LHFPL3: variants seen among roughly 807,000 people sequenced by gnomAD.
The protein encoded by LHFPL3 is LHFPL tetraspan subfamily member 3, also known as LHFPL tetraspan subfamily member 3 protein.
In LHFPL3, 5 loss-of-function variants were observed where a neutral mutation model predicts 19.3. The observed-to-expected ratio is 0.26, with a 90% CI of 0.14 to 0.54. The LOEUF (loss-of-function observed/expected upper bound fraction) is 0.54, where lower values mean the gene tolerates loss of function less well. Ranked by LOEUF, LHFPL3 falls within the 20% of genes least tolerant of loss-of-function variation. The pLI is 0.94. For synonymous variants in LHFPL3, 133 were observed against 126.2 expected, an observed-to-expected ratio of 1.05 and a Z score of -0.36; for missense variants, 249 against 307.4, an observed-to-expected ratio of 0.81 and a Z score of 1.42.
intron 1 of LHFPL3, among the ~76,000 whole-genome samples, chr7:104,680,489 G>T (rs1471980816): frequency 6.6e-6 from 1 of 152,044 alleles, no homozygotes; most frequent in Non-Finnish European, 1.5e-5. Context: ...TGATTTGGGG[G>T]TAACTTTTAC....
intron 1 of LHFPL3, among the ~76,000 whole-genome samples, chr7:104,642,787 GC>G (rs1238190663): frequency 6.6e-6 from 1 of 152,190 alleles, no homozygotes; most frequent in Non-Finnish European, 1.5e-5. Flanking sequence ...CCGTCAGAAG[GC>G]AGCTGGTGGA....
chr7:104,683,269 C>T (rs976620069), intron 1 of LHFPL3, among the ~76,000 whole-genome samples: 1 of 152,152 alleles, frequency 6.6e-6, no homozygotes, highest in African/African-American at 2.4e-5. Flanking sequence ...GGAATACAGG[C>T]GTGAGCCACC....
intron 1 of LHFPL3, among the ~76,000 whole-genome samples, chr7:104,673,986 T>A (rs1194138951): frequency 6.8e-6 from 1 of 148,048 alleles, no homozygotes; most frequent in Non-Finnish European, 1.5e-5. Flanking sequence ...GTTCAGACCC[T>A]TGGTGAAAAG....
At chr7:104,742,207 T>C (rs1344860987) in intron 2 of LHFPL3, among the ~76,000 whole-genome samples, 1 of 152,218 alleles carries the variant, frequency 6.6e-6, no homozygotes, top group Non-Finnish European at 1.5e-5. Flanking sequence ...GCCACAAATA[T>C]CTCTTTCCTT....
chr7:104,764,811 T>G (rs529915191), intron 2 of LHFPL3, among the ~76,000 whole-genome samples: 2 of 152,380 alleles, frequency 1.3e-5, no homozygotes, highest in Non-Finnish European at 2.9e-5. Context: ...CAATATGTTT[T>G]TATATCTTCT....
At chr7:104,562,524 T>C (rs1372391465) in intron 1 of LHFPL3, among the ~76,000 whole-genome samples, 2 of 152,126 alleles carry the variant, frequency 1.3e-5, no homozygotes, top group Admixed American at 6.5e-5. Context: ...GCCTTGGTTT[T>C]CAGCTCCATC....
At chr7:104,408,360 T>TC (rs1791460890) in intron 1 of LHFPL3, among the ~76,000 whole-genome samples, 1 of 13,670 alleles carries the variant, frequency 7.3e-5, no homozygotes, top group Admixed American at 9.6e-4. Context: ...TGTGGCAACA[T>TC]TTTTTTTTTT....
intron 1 of LHFPL3, among the ~76,000 whole-genome samples, chr7:104,523,615 T>G (rs1194478270): frequency 6.6e-6 from 1 of 152,178 alleles, no homozygotes; most frequent in Non-Finnish European, 1.5e-5. Flanking sequence ...TTCTTGAATG[T>G]TTAGTACACA....
At chr7:104,528,405 C>A (rs1300672480) in intron 1 of LHFPL3, among the ~76,000 whole-genome samples, 2 of 152,110 alleles carry the variant, frequency 1.3e-5, no homozygotes, top group Non-Finnish European at 2.9e-5. Context: ...TTACAGACTT[C>A]AATAAGAGGA....
At chr7:104,606,095 A>C (rs1025544332) in intron 1 of LHFPL3, among the ~76,000 whole-genome samples, 2 of 152,192 alleles carry the variant, frequency 1.3e-5, no homozygotes, top group Non-Finnish European at 2.9e-5. Context: ...TCCTGGCCTC[A>C]TGCAAGTGTC....
At chr7:104,645,282 G>T (rs2115912329) in intron 1 of LHFPL3, among the ~76,000 whole-genome samples, 1 of 152,108 alleles carries the variant, frequency 6.6e-6, no homozygotes, top group Admixed American at 6.5e-5. Context: ...ATTTTGGTTT[G>T]CAAAGATTAA....
chr7:104,787,226 A>G (rs145937468), intron 2 of LHFPL3, among the ~76,000 whole-genome samples: 2 of 152,334 alleles, frequency 1.3e-5, no homozygotes, highest in African/African-American at 4.8e-5. Flanking sequence ...AATTGCTTTC[A>G]GTATCATTTA....
chr7:104,770,878 C>T (rs1794538664), intron 2 of LHFPL3, among the ~76,000 whole-genome samples: 2 of 152,154 alleles, frequency 1.3e-5, no homozygotes, highest in Non-Finnish European at 2.9e-5. Context: ...ACCCTTGCAA[C>T]TTGCATATTG....
intron 2 of LHFPL3, among the ~76,000 whole-genome samples, chr7:104,746,522 A>G (rs1794050259): frequency 6.6e-6 from 1 of 152,210 alleles, no homozygotes; most frequent in Non-Finnish European, 1.5e-5. Flanking sequence ...GTTTTATTAT[A>G]ATTAGAAATC....
intron 1 of LHFPL3, among the ~76,000 whole-genome samples, chr7:104,495,508 C>T (rs553494651): frequency 1.3e-5 from 2 of 152,312 alleles, no homozygotes; most frequent in South Asian, 2.1e-4. Flanking sequence ...CTCAGCCTCC[C>T]AAGTAGCTGG....
intron 1 of LHFPL3, among the ~76,000 whole-genome samples, chr7:104,547,193 G>A (rs1794589883): frequency 4.8e-5 from 1 of 20,704 alleles, no homozygotes; most frequent in Admixed American, 8.3e-4. Flanking sequence ...CCGAGATTGC[G>A]CCACTGCAGT....
chr7:104,471,962 G>A (rs1474032115), intron 1 of LHFPL3, among the ~76,000 whole-genome samples: 2 of 152,074 alleles, frequency 1.3e-5, no homozygotes, highest in Non-Finnish European at 2.9e-5. Context: ...AGGATTGCTT[G>A]GCCCCAGGAG....
At chr7:104,354,235 G>A (rs1291134204) in intron 1 of LHFPL3, among the ~76,000 whole-genome samples, 2 of 152,174 alleles carry the variant, frequency 1.3e-5, no homozygotes, top group African/African-American at 4.8e-5. Context: ...TATTGCTGAC[G>A]ACTGCACAGT....
intron 1 of LHFPL3, among the ~76,000 whole-genome samples, chr7:104,730,596 G>T (rs545129688): frequency 0.011 from 1,690 of 151,884 alleles, 31 homozygotes; most frequent in African/African-American, 0.038. Context: ...GGGGTTGTTT[G>T]TTTTTTTCTT....
Sources: gnomAD v4.1 joint callset for allele counts (sites outside exome capture counted in the v4.1 genomes callset) on GRCh38, gnomAD v4.1.1 for gene constraint, MANE v1.5 for transcripts, NCBI Gene and HGNC (gene_info 2026-07-23, HGNC 2026-07-21) for gene names.